The following SOD1 variants were observed in gnomAD, a reference collection of about 807,000 sequenced individuals.
SOD1 encodes superoxide dismutase [Cu-Zn].
In SOD1, 8 loss-of-function variants were observed where a neutral mutation model predicts 15.9. The observed-to-expected ratio is 0.50, with a 90% CI of 0.30 to 0.91. The LOEUF (loss-of-function observed/expected upper bound fraction) is 0.91. Ranked by LOEUF, SOD1 falls within the 40% of genes least tolerant of loss-of-function variation. The probability of loss-of-function intolerance (pLI) is 0.07; values close to 1 mark genes in which losing one functional copy is unlikely to be tolerated. For synonymous variants in SOD1, 86 were observed against 71.2 expected (o/e 1.21, Z -1.04); for missense variants, 137 against 194.5 (o/e 0.70, Z 1.76).
chr21:31,666,394 G>C (rs1018482044), intron 2 of SOD1, 55 bp from the exon 3 acceptor site: 6 of 1,335,354 alleles, frequency 4.5e-6, no homozygotes, highest in African/African-American at 1.5e-5. Context: ...TTTTTAGAAT[G>C]TATTTGGGAA....
chr21:31,662,731 A>C (rs989830742), intron 1 of SOD1, among the ~76,000 whole-genome samples: 1 of 152,118 alleles, frequency 6.6e-6, no homozygotes, highest in Admixed American at 6.5e-5. Flanking sequence ...AATACCTGTG[A>C]TAGCCGGGCG....
In SOD1 at chr21:31,668,639, A is replaced by T. The variant is rs553743756; in HGVS notation, c.*61A>T. 3 of 1,205,364 alleles carry T rather than the reference A, an allele frequency of 2.5e-6. No homozygotes were observed. The highest frequency in any genetic ancestry group is 2.3e-5 in the East Asian group (1 of 42,948). The allele number at this position is 1,205,364 out of a possible 1,614,324, so 74.7% of individuals were successfully genotyped here. A position where few individuals can be genotyped will look rare whatever the true frequency, so the allele number is the denominator to read the frequency against. On this transcript the variant is annotated 3_prime_UTR_variant, in exon 5 of 5. Transcript: ENST00000270142. ...CATCTGTTATCCTGCTAGCTGTAGA[A>T]ATGTATCCTGATAAACATTAAACAC...
Position 31,667,484 on chromosome 21 carries a change from T to G in SOD1, c.357+109T>G, listed in dbSNP as rs2049606329. Reference sequence around the variant, plus strand: ...TCTAAAGATCCAGATAAACTGTACTTGCAGTTCAAATTAGGAAAAGCAATT... The same window carrying G: ...TCTAAAGATCCAGATAAACTGTACTGGCAGTTCAAATTAGGAAAAGCAATT... On this transcript the variant is annotated intron_variant, in intron 4 of 4. Transcript: ENST00000270142. 2.4e-5 allele frequency: 21 copies of G among 866,442 alleles called. 2 individuals carry two copies. Among genetic ancestry groups the G allele is most frequent in the Middle Eastern group, 2.7e-4 (1 of 3,704 alleles). The allele number at this position is 866,442 out of a possible 1,614,324, so 53.7% of individuals were successfully genotyped here. A position where few individuals can be genotyped will look rare whatever the true frequency, so the allele number is the denominator to read the frequency against.
chr21:31,659,941 C>G, intron 1 of SOD1, 100 bp downstream of exon 1: 1 of 1,231,640 alleles, frequency 8.1e-7, no homozygotes, highest in Non-Finnish European at 1.2e-6. Context: ...GCCTCGGGGC[C>G]GCCCTGGTCC....
chr21:31,666,498 T>C lies in SOD1; in HGVS notation c.219T>C (p.Gly73=), dbSNP rs2049594388. The part of the protein sequence containing the change: ...PHFNPLSRKH[G]GPKDEERHVG... ...TTAATCCTCTATCCAGAAAACACGG[T>C]GGGCCAAAGGATGAAGAGAGGTAAC... is the stretch of plus-strand genomic sequence containing the variant. Residue 73 remains glycine (G), a synonymous_variant, in exon 3 of 5, where the codon GGT becomes GGC. Coordinates refer to ENST00000270142, the MANE Select transcript of SOD1 (RefSeq NM_000454.5). The C allele has an allele frequency of 1.9e-6, 3 of 1,612,482 alleles. No individual in the cohort carries two copies. The highest frequency in any genetic ancestry group is 2.7e-5 in the African/African-American group (2 of 74,904).
In SOD1 at chr21:31,662,993, C is replaced by T. The variant is rs531040207; in HGVS notation, c.73-797C>T. On this transcript the variant is annotated intron_variant, in intron 1 of 4. Coordinates refer to ENST00000270142, the MANE Select transcript of SOD1 (RefSeq NM_000454.5). ...TCATGTCACTGCACTCCAGCCTGGG[C>T]GACAGAGCGAGACTCGTCTCAAAAA... Among the ~76,000 whole-genome samples the T allele has an allele frequency of 5.3e-4, 79 of 149,358 alleles. No individual in the cohort carries two copies. In the East Asian group the frequency reaches 0.014, roughly 27 times the overall value.
intron 1 of SOD1, among the ~76,000 whole-genome samples, chr21:31,663,570 T>G (rs1876197867): frequency 6.6e-6 from 1 of 152,146 alleles, no homozygotes; most frequent in Admixed American, 6.5e-5. Flanking sequence ...GTGCATTGAG[T>G]GTGGGAACAA....
intron 1 of SOD1, among the ~76,000 whole-genome samples, chr21:31,663,431 T>TTACCTATTTACTGTAAG (rs2049566334): frequency 6.6e-6 from 1 of 152,232 alleles, no homozygotes; most frequent in South Asian, 2.1e-4. Flanking sequence ...GGTACTTACA[T>TTACCTATTTACTGTAAG]TACCTATTTA....
At position 31,668,925 on chromosome 21, in the gene SOD1, A is replaced by T. The variant is rs577484556; in HGVS notation, c.*347A>T. Reference sequence around the variant, plus strand: ...AGGCTATTAAAAGAATCCAAATTCAAACTAAATTAGCTCTGATACTTATTT... The same window carrying T: ...AGGCTATTAAAAGAATCCAAATTCATACTAAATTAGCTCTGATACTTATTT... On this transcript the variant is annotated 3_prime_UTR_variant, in exon 5 of 5. Transcript: ENST00000270142. 3.7e-6 allele frequency: 1 copy of T among 266,834 alleles called. No homozygotes were observed. The highest frequency in any genetic ancestry group is 7.3e-6 in the Non-Finnish European group (1 of 137,076). The allele number at this position is 266,834 out of a possible 1,614,324, so 16.5% of individuals were successfully genotyped here.
At position 31,659,722 on chromosome 21, in the gene SOD1, T is replaced by A. The variant is rs142752986; in HGVS notation, c.-48T>A. 1,644 of 1,593,380 alleles carry A rather than the reference T, an allele frequency of 1.0e-3. 24 individuals carry two copies. The African/African-American group carries it at 0.019, about 19-fold the overall frequency. The stretch of plus-strand genomic sequence containing the variant: ...CGTAGTCTCCTGCAGCGTCTGGGGT[T>A]TCCGTTGCAGTCCTCGGAACCAGGA... On this transcript the variant is annotated 5_prime_UTR_variant, in exon 1 of 5. Coordinates refer to ENST00000270142, the MANE Select transcript of SOD1 (RefSeq NM_000454.5).
At chr21:31,668,052 T>C (rs192333564) in intron 4 of SOD1, among the ~76,000 whole-genome samples, 11 of 152,294 alleles carry the variant, frequency 7.2e-5, no homozygotes, top group African/African-American at 2.2e-4. Flanking sequence ...ACCTTACTTA[T>C]AGGCCCGTCA....
chr21:31,661,811 T>G (rs1359151662), intron 1 of SOD1: 1 of 152,316 alleles, frequency 6.6e-6, no homozygotes, highest in Non-Finnish European at 1.5e-5. Flanking sequence ...GTGCCCGTTG[T>G]ACCTGAGAAT....
In SOD1 at chr21:31,667,107, C is replaced by T. The variant is rs527981077; in HGVS notation, c.240-151C>T. The stretch of plus-strand genomic sequence containing the variant: ...TCTTCCCAGAGCATTAGTGTGTAGA[C>T]GTGAAGCCTTGTTTGAAGAGCTGTA... On this transcript the variant is annotated intron_variant, in intron 3 of 4. Transcript: ENST00000270142. 1.6e-4 allele frequency: 108 copies of T among 687,524 alleles called. 1 individual carries two copies. Among genetic ancestry groups the T allele is most frequent in the Non-Finnish European group, 2.2e-4 (81 of 375,268 alleles). The allele number at this position is 687,524 out of a possible 1,614,324, so 42.6% of individuals were successfully genotyped here.
chr21:31,659,902 A>C (rs2049532900), intron 1 of SOD1, 61 bp downstream of exon 1: 2 of 1,555,048 alleles, frequency 1.3e-6, no homozygotes, highest in Non-Finnish European at 1.8e-6. Flanking sequence ...CCCCCCGCGC[A>C]CCTTTGCTAG....
chr21:31,660,240 C>G (rs1218652005), intron 1 of SOD1: 1 of 152,482 alleles, frequency 6.6e-6, no homozygotes, highest in African/African-American at 2.4e-5. Context: ...TCCTGAGGGT[C>G]CCGCGGACAC....
At chr21:31,667,016 C>CA in intron 3 of SOD1, 1 of 553,672 alleles carries the variant, frequency 1.8e-6, no homozygotes, top group Non-Finnish European at 3.2e-6. Context: ...CAGTAATTAA[C>CA]AGGCATAACT....
chr21:31,659,796 G>A lies in SOD1; in HGVS notation c.27G>A (p.Leu9=), dbSNP rs772764888. ...TGGCGACGAAGGCCGTGTGCGTGCT[G>A]AAGGGCGACGGCCCAGTGCAGGGCA... The part of the protein sequence containing the change: MATKAVCV[L]KGDGPVQGII... Residue 9 remains leucine, a synonymous_variant, in exon 1 of 5, where the codon CTG becomes CTA. Coordinates refer to ENST00000270142, the MANE Select transcript of SOD1 (RefSeq NM_000454.5). 61 of 1,613,822 alleles carry A rather than the reference G, an allele frequency of 3.8e-5. No individual in the cohort carries two copies. Among genetic ancestry groups the A allele is most frequent in the Non-Finnish European group, 5.1e-5 (60 of 1,179,916 alleles).
intron 1 of SOD1, among the ~76,000 whole-genome samples, chr21:31,662,648 T>G (rs747466131): frequency 1.3e-5 from 2 of 152,224 alleles, no homozygotes; most frequent in Non-Finnish European, 2.9e-5. Flanking sequence ...AAAGCAGTAG[T>G]ACGTCTGGTT....
chr21:31,664,535 CTG>C (rs944827491), intron 2 of SOD1: 4 of 154,536 alleles, frequency 2.6e-5, no homozygotes, highest in African/African-American at 9.7e-5. Flanking sequence ...AGCCACAAAA[CTG>C]GGCTTTGATA....
Sources: gnomAD v4.1 joint callset for allele counts (sites outside exome capture counted in the v4.1 genomes callset) on GRCh38, gnomAD v4.1.1 for gene constraint, MANE v1.5 for transcripts, NCBI Gene and HGNC (gene_info 2026-07-23, HGNC 2026-07-21) for gene names.